TNRC6C: variants seen among roughly 807,000 people sequenced by gnomAD.
The protein encoded by TNRC6C is trinucleotide repeat-containing gene 6C protein.
Under a neutral mutation model 153.7 loss-of-function variants are expected in TNRC6C, and 20 were observed. That is an observed-to-expected ratio of 0.13 (90% CI 0.09 to 0.19). The LOEUF is 0.19. Among genes scored for constraint, TNRC6C ranks in the 10% least tolerant of loss-of-function variants. The pLI is 1.00. For missense variants in TNRC6C, 1,987 were observed against 2,172.0 expected (o/e 0.91, Z 1.69); for synonymous variants, 811 against 841.4 (o/e 0.96, Z 0.63).
At chr17:78,032,114 A>T (rs2072087292) in intron 2 of TNRC6C, among the ~76,000 whole-genome samples, 1 of 152,232 alleles carries the variant, frequency 6.6e-6, no homozygotes, top group African/African-American at 2.4e-5. Flanking sequence ...ATTGGTCCAT[A>T]CGAACCCATC....
chr17:78,079,911 A>G lies in TNRC6C; in HGVS notation c.3357+370A>G, dbSNP rs1325161714. 6.6e-6 allele frequency among the ~76,000 whole-genome samples: 1 copy of G among 152,178 alleles called. No homozygotes were observed. Among genetic ancestry groups the G allele is most frequent in the Non-Finnish European group, 1.5e-5 (1 of 68,034 alleles). ...TCAGGTGAACCCAGTGAACTGTCCTAGATTGGTGGGAGAGGAAAGTGACAC... is the reference window on the plus strand; with the variant it reads ...TCAGGTGAACCCAGTGAACTGTCCTGGATTGGTGGGAGAGGAAAGTGACAC... On this transcript the variant is annotated intron_variant, in intron 10 of 19. Coordinates refer to ENST00000301624, the Ensembl canonical transcript of TNRC6C. This position sits in a 1 kb window ranked among gnomAD's most constrained non-coding sequence, Gnocchi z 4.3.
intron 1 of TNRC6C, among the ~76,000 whole-genome samples, chr17:77,980,712 T>C (rs2071063376): frequency 6.6e-6 from 1 of 152,120 alleles, no homozygotes; most frequent in Admixed American, 6.5e-5. Context: ...CCCACTAGCT[T>C]CAAGTTGGGA....
At chr17:77,978,100 T>C (rs1247685677) in intron 1 of TNRC6C, among the ~76,000 whole-genome samples, 1 of 152,056 alleles carries the variant, frequency 6.6e-6, no homozygotes, top group Non-Finnish European at 1.5e-5. Context: ...GGTTTCACCA[T>C]GTTAGCCAGG....
intron 3 of TNRC6C, among the ~76,000 whole-genome samples, chr17:78,062,991 A>T (rs2072798199): frequency 6.6e-6 from 1 of 152,154 alleles, no homozygotes; most frequent in African/African-American, 2.4e-5. Context: ...CACATCTGTA[A>T]TCCCAGCACT....
At chr17:77,982,455 T>C (rs2071092911) in intron 1 of TNRC6C, among the ~76,000 whole-genome samples, 1 of 152,062 alleles carries the variant, frequency 6.6e-6, no homozygotes, top group African/African-American at 2.4e-5. Flanking sequence ...GCTACCAAGC[T>C]AATAGAGAAG....
At chr17:78,069,854 G>C (rs571144604) in intron 5 of TNRC6C, among the ~76,000 whole-genome samples, 3 of 152,290 alleles carry the variant, frequency 2.0e-5, no homozygotes, top group African/African-American at 7.2e-5. Flanking sequence ...ATGTGAGTGT[G>C]TGTATGCATG....
chr17:77,958,467 T>A (rs867428527), upstream of TNRC6C, among the ~76,000 whole-genome samples: 6 of 148,696 alleles, frequency 4.0e-5, no homozygotes, highest in African/African-American at 1.2e-4. Flanking sequence ...CGCGGGCGGG[T>A]ATTAAGGGGA....
chr17:77,978,545 A>G (rs558998455), intron 1 of TNRC6C, among the ~76,000 whole-genome samples: 1 of 152,322 alleles, frequency 6.6e-6, no homozygotes, highest in African/African-American at 2.4e-5. Flanking sequence ...GATCCTAGAG[A>G]GAAGGGAGGT....
chr17:78,092,348 G>T (rs2073408544), intron 14 of TNRC6C, among the ~76,000 whole-genome samples: 1 of 152,168 alleles, frequency 6.6e-6, no homozygotes, highest in Non-Finnish European at 1.5e-5. Context: ...GTTTGGTTCT[G>T]TATGAATTTT....
At chr17:78,031,383 T>C (rs2072070680) in intron 1 of TNRC6C, 133 bp from the exon 4 acceptor site, 1 of 611,418 alleles carries the variant, frequency 1.6e-6, no homozygotes, top group Admixed American at 4.4e-5. Context: ...CTCTAGACTT[T>C]AGTCCAGTTC....
chr17:78,093,511 T>C, intron 15 of TNRC6C, 109 bp from the exon 18 acceptor site: 1 of 1,344,894 alleles, frequency 7.4e-7, no homozygotes, highest in Middle Eastern at 1.8e-4. Context: ...CTAATTTAAT[T>C]AGCAGATTAT....
chr17:78,067,527 G>T (rs1050204385), intron 4 of TNRC6C, among the ~76,000 whole-genome samples: 17 of 152,108 alleles, frequency 1.1e-4, no homozygotes, highest in African/African-American at 4.1e-4. Context: ...GTTTAGAACA[G>T]CACAGAGTAC....
intron 3 of TNRC6C, among the ~76,000 whole-genome samples, chr17:78,056,223 T>C (rs533776882): frequency 6.6e-6 from 1 of 151,500 alleles, no homozygotes; most frequent in East Asian, 1.9e-4. Context: ...AGTGACACAA[T>C]CTCGTCTTAC....
At chr17:77,981,393 T>G (rs2071075402) in intron 1 of TNRC6C, among the ~76,000 whole-genome samples, 1 of 152,200 alleles carries the variant, frequency 6.6e-6, no homozygotes. Flanking sequence ...GCCTTGGTGT[T>G]TATGGAGACC....
chr17:78,051,360 T>C, exon 3 of TNRC6C: 3 of 1,550,340 alleles, frequency 1.9e-6, no homozygotes, highest in East Asian at 2.4e-5. Flanking sequence ...CCACCACCAC[T>C]ACCACGAGCA....
At chr17:78,070,739 C>T (rs1284103996) in intron 5 of TNRC6C, among the ~76,000 whole-genome samples, 1 of 152,122 alleles carries the variant, frequency 6.6e-6, no homozygotes, top group Non-Finnish European at 1.5e-5. Flanking sequence ...TTTTAGTAAA[C>T]TTCACATAGG....
At chr17:77,967,155 T>C (rs1340143212) in intron 1 of TNRC6C, among the ~76,000 whole-genome samples, 2 of 152,182 alleles carry the variant, frequency 1.3e-5, no homozygotes, top group African/African-American at 2.4e-5. Flanking sequence ...AGTGTGGCAT[T>C]TAATTGAGCA....
intron 13 of TNRC6C, among the ~76,000 whole-genome samples, chr17:78,090,991 T>C (rs1163975448): frequency 6.6e-6 from 1 of 152,224 alleles, no homozygotes; most frequent in African/African-American, 2.4e-5. Flanking sequence ...GTTTGGACTT[T>C]TTCTATTTTC....
At position 78,031,512 on chromosome 17, in the gene TNRC6C, T is replaced by C; in HGVS notation, c.-545-4T>C. On this transcript the variant is annotated splice_region_variant and splice_polypyrimidine_tract_variant and intron_variant, in intron 1 of 19. Coordinates refer to ENST00000301624, the Ensembl canonical transcript of TNRC6C. ...TGGGTTCTTTTGCCTTTCATTCATT[T>C]TAGTGCCAGAACCTACTAAGACCTG... 1 of 1,232,192 alleles carries C rather than the reference T, an allele frequency of 8.1e-7. No homozygotes were observed. Among genetic ancestry groups the C allele is most frequent in the Non-Finnish European group, 1.0e-6 (1 of 988,008 alleles). 76.3% of individuals were successfully genotyped at this position (1,232,192 alleles called of 1,614,324 possible). A position where few individuals can be genotyped will look rare whatever the true frequency, so the allele number is the denominator to read the frequency against.
Sources: gnomAD v4.1 joint callset for allele counts (sites outside exome capture counted in the v4.1 genomes callset) on GRCh38, gnomAD v4.1.1 for gene constraint, Gnocchi (gnomAD v3.1) non-coding constraint, MANE v1.5 for transcripts, NCBI Gene and HGNC (gene_info 2026-07-23, HGNC 2026-07-21) for gene names.